Variants in SRPK1 observed in about 807,000 individuals in gnomAD.
The protein encoded by SRPK1 is SFRS protein kinase 1.
In SRPK1, 52 loss-of-function variants were observed where a neutral mutation model predicts 89.5. The ratio of observed to expected loss-of-function variants is 0.58; its 90% CI spans 0.46 to 0.73. The LOEUF (loss-of-function observed/expected upper bound fraction) is 0.73. Among genes scored for constraint, SRPK1 ranks in the 30% least tolerant of loss-of-function variants. The probability of loss-of-function intolerance (pLI) is 0.00; values close to 1 mark genes in which losing one functional copy is unlikely to be tolerated. For missense variants in SRPK1, 603 were observed against 780.6 expected (o/e 0.77, Z 2.71); for synonymous variants, 255 against 270.2 (o/e 0.94, Z 0.55).
chr6:35,919,072 T>G (rs1771172453), intron 2 of SRPK1, among the ~76,000 whole-genome samples: 1 of 152,204 alleles, frequency 6.6e-6, no homozygotes, highest in Non-Finnish European at 1.5e-5. Flanking sequence ...AAAAGTAACA[T>G]TTCAAGTCCT....
At position 35,834,998 on chromosome 6, in the gene SRPK1, T is replaced by G. The variant is rs79712827; in HGVS notation, c.*306A>C. On this transcript the variant is annotated 3_prime_UTR_variant, in exon 16 of 16. Transcript: ENST00000373825. ...CCTTCATAGCTCTTTTCAAAAAGGA[T>G]GCTTATAATTTAAAGGATGTCCTAA... 4.5e-6 allele frequency: 1 copy of G among 220,046 alleles called. No homozygotes were observed. Among genetic ancestry groups the G allele is most frequent in the East Asian group, 9.0e-5 (1 of 11,100 alleles). 13.6% of individuals were successfully genotyped at this position (220,046 alleles called of 1,614,324 possible).
chr6:35,901,222 C>T (rs959442579), intron 2 of SRPK1, among the ~76,000 whole-genome samples: 1 of 152,152 alleles, frequency 6.6e-6, no homozygotes, highest in East Asian at 1.9e-4. Flanking sequence ...CCTCCAATAA[C>T]TGGGCTTGTG....
In SRPK1 at chr6:35,890,032, C is replaced by A. The variant is rs141276422; in HGVS notation, c.193+863G>T. ...CTGAGGCAGGAGAATGGCATGAACC[C>A]GGGAGGCAGAGCTTGCAGTGAGCCG... On this transcript the variant is annotated intron_variant, in intron 3 of 15. Coordinates refer to ENST00000373825, the MANE Select transcript of SRPK1 (RefSeq NM_003137.5). Among the ~76,000 whole-genome samples the A allele has an allele frequency of 1.4e-4, 21 of 152,082 alleles. No individual in the cohort carries two copies. In the South Asian group the frequency reaches 3.9e-3, roughly 29 times the overall value.
chr6:35,913,402 T>G (rs1771015110), intron 2 of SRPK1, among the ~76,000 whole-genome samples: 1 of 152,146 alleles, frequency 6.6e-6, no homozygotes, highest in South Asian at 2.1e-4. Flanking sequence ...TTGAATTCAC[T>G]TGAATCACTC....
At chr6:35,920,010 G>A (rs1771192971) in intron 2 of SRPK1, 2 of 452,514 alleles carry the variant, frequency 4.4e-6, no homozygotes, top group South Asian at 1.6e-5. Context: ...TGTGTGGTTG[G>A]TAGAACCCAA....
At chr6:35,863,259 A>G (rs371789538) in intron 12 of SRPK1, among the ~76,000 whole-genome samples, 2 of 151,988 alleles carry the variant, frequency 1.3e-5, no homozygotes, top group East Asian at 1.9e-4. Context: ...ACTTGAAGAC[A>G]GGTCCTCTGA....
chr6:35,855,076 C>T (rs946305838), intron 13 of SRPK1, among the ~76,000 whole-genome samples: 5 of 151,944 alleles, frequency 3.3e-5, no homozygotes, highest in African/African-American at 1.2e-4. Flanking sequence ...CAGAAGTGGG[C>T]GGATCACAAG....
chr6:35,915,363 C>T (rs1202265991), intron 2 of SRPK1, among the ~76,000 whole-genome samples: 6 of 146,694 alleles, frequency 4.1e-5, no homozygotes, highest in Admixed American at 2.7e-4. Context: ...GCCGAGATCA[C>T]GCCACTGCAC....
chr6:35,857,449 A>G (rs1769688480), intron 12 of SRPK1, 81 bp from the exon 13 acceptor site: 5 of 1,164,478 alleles, frequency 4.3e-6, no homozygotes, highest in Non-Finnish European at 6.2e-6. Context: ...GGAGATGAAA[A>G]TAAACTCTCT....
chr6:35,880,751 G>GAAAAAAAAAAAAA (rs1770266361), intron 6 of SRPK1, among the ~76,000 whole-genome samples: 3 of 40,030 alleles, frequency 7.5e-5, no homozygotes, highest in African/African-American at 2.8e-4. Flanking sequence ...AAAAAAAAAA[G>GAAAAAAAAAAAAA]AAAAGAAAAG....
intron 12 of SRPK1, among the ~76,000 whole-genome samples, chr6:35,866,896 A>G (rs1410164708): frequency 6.6e-6 from 1 of 152,208 alleles, no homozygotes; most frequent in African/African-American, 2.4e-5. Flanking sequence ...CCATTATCTT[A>G]ATTGAAACAA....
intron 2 of SRPK1, among the ~76,000 whole-genome samples, chr6:35,917,821 A>C (rs1203413006): frequency 1.3e-5 from 2 of 152,234 alleles, no homozygotes; most frequent in African/African-American, 4.8e-5. Context: ...TTAGGTCCTG[A>C]TCAGTTTTCA....
At chr6:35,856,154 T>C (rs1769661794) in intron 13 of SRPK1, among the ~76,000 whole-genome samples, 2 of 152,276 alleles carry the variant, frequency 1.3e-5, no homozygotes, top group Middle Eastern at 3.4e-3. Flanking sequence ...CTCAATCACA[T>C]GGCCAATGAT....
In SRPK1 at chr6:35,888,896, T is replaced by A. The variant is rs1189534069; in HGVS notation, c.221A>T (p.Asp74Val). The change falls in exon 4 of 16, where the codon GAT becomes GTT. Residue 74 changes from aspartate to valine, a missense_variant. Asp to Val is a radical substitution (Grantham distance 152). Coordinates refer to ENST00000373825, the MANE Select transcript of SRPK1 (RefSeq NM_003137.5). ...CACATGGTATCTCCCATTGAATAGA[T>A]CTCCAATTTTCACAAGATGATAACC... ...KGGYHLVKIG[D>V]LFNGRYHVIR... 6.2e-7 allele frequency: 1 copy of A among 1,612,674 alleles called. No individual in the cohort carries two copies. The highest frequency in any genetic ancestry group is 1.3e-5 in the African/African-American group (1 of 74,876).
At chr6:35,886,056 CTT>C (rs373344906) in intron 6 of SRPK1, among the ~76,000 whole-genome samples, 45 of 150,254 alleles carry the variant, frequency 3.0e-4, no homozygotes, top group African/African-American at 1.1e-3. Flanking sequence ...TTCTTTCTCT[CTT>C]TTTCTCTTTC....
chr6:35,915,438 G>T (rs564502422), intron 2 of SRPK1, among the ~76,000 whole-genome samples: 1 of 149,792 alleles, frequency 6.7e-6, no homozygotes, highest in African/African-American at 2.4e-5. Context: ...AAATCTTGCT[G>T]GACAAAATTT....
At chr6:35,849,357 G>A (rs1308645310) in intron 13 of SRPK1, among the ~76,000 whole-genome samples, 2 of 152,100 alleles carry the variant, frequency 1.3e-5, no homozygotes, top group Non-Finnish European at 2.9e-5. Context: ...GTGAGGATGT[G>A]GAGCAAAGGG....
chr6:35,866,131 G>C (rs1422448985), intron 12 of SRPK1, among the ~76,000 whole-genome samples: 1 of 152,002 alleles, frequency 6.6e-6, no homozygotes, highest in Non-Finnish European at 1.5e-5. Context: ...TCACTAACCA[G>C]CAGAGAAATA....
In SRPK1 at chr6:35,857,309, G is replaced by A. The variant is rs773451762; in HGVS notation, c.1572C>T (p.Ile524=). 6.8e-6 allele frequency: 11 copies of A among 1,613,176 alleles called. No individual in the cohort carries two copies. The African/African-American group carries it at 8.0e-5, about 12-fold the overall frequency. Residue 524 remains isoleucine, a synonymous_variant, in exon 13 of 16, where the codon ATC becomes ATT. Transcript: ENST00000373825. ...TRQYRSLEVL[I]GSGYNTPADI... ...CAGCAGGGGTATTATAGCCAGATCC[G>A]ATTAGAACTTCCAAGGAACGATATT... is the stretch of plus-strand genomic sequence containing the variant.
Sources: gnomAD v4.1 joint callset for allele counts (sites outside exome capture counted in the v4.1 genomes callset) on GRCh38, gnomAD v4.1.1 for gene constraint, MANE v1.5 for transcripts, NCBI Gene and HGNC (gene_info 2026-07-23, HGNC 2026-07-21) for gene names.